Variants in ALDH1L1 observed in about 807,000 individuals in gnomAD.
The protein encoded by ALDH1L1 is aldehyde dehydrogenase 1 family member L1.
A neutral mutation model predicts 101.1 loss-of-function variants in ALDH1L1; 68 were observed. That is an observed-to-expected ratio of 0.67 (90% CI 0.55 to 0.82). The LOEUF (loss-of-function observed/expected upper bound fraction) is 0.82, where lower values mean the gene tolerates loss of function less well. Among genes scored for constraint, ALDH1L1 ranks in the 40% least tolerant of loss-of-function variants. The probability of loss-of-function intolerance (pLI) is 0.00; values close to 1 mark genes in which losing one functional copy is unlikely to be tolerated. For synonymous variants in ALDH1L1, 486 were observed against 470.8 expected (o/e 1.03, Z -0.42); for missense variants, 1,087 against 1,172.7 (o/e 0.93, Z 1.07).
At chr3:126,130,189 G>T (rs768555195) in intron 14 of ALDH1L1, 34 bp downstream of exon 14, 5 of 1,578,060 alleles carry the variant, frequency 3.2e-6, no homozygotes, top group Non-Finnish European at 4.3e-6. Context: ...GGAAAGCACC[G>T]CGAGGCTGCA....
intron 1 of ALDH1L1, among the ~76,000 whole-genome samples, chr3:126,169,468 C>A (rs1361659686): frequency 1.3e-5 from 2 of 152,172 alleles, no homozygotes; most frequent in African/African-American, 4.8e-5. Context: ...GGTGTGCTCT[C>A]CTCTAAGGAA....
upstream of ALDH1L1, among the ~76,000 whole-genome samples, chr3:126,184,627 T>C (rs1450303666): frequency 6.6e-6 from 1 of 152,104 alleles, no homozygotes; most frequent in African/African-American, 2.4e-5. Context: ...ACAGCCCAAG[T>C]CTGGGTAGAA....
intron 1 of ALDH1L1, among the ~76,000 whole-genome samples, chr3:126,191,457 G>T (rs572773874): frequency 6.6e-6 from 1 of 152,204 alleles, no homozygotes; most frequent in African/African-American, 2.4e-5. Flanking sequence ...AAGGTGAAAA[G>T]TTTAGTGCAA....
At chr3:126,138,096 T>C (rs1167328782) in intron 9 of ALDH1L1, 136 bp from the exon 10 acceptor site, 4 of 1,125,514 alleles carry the variant, frequency 3.6e-6, no homozygotes, top group Non-Finnish European at 5.0e-6. Context: ...AGCCCAGAAC[T>C]GGGGAGAAGG....
At chr3:126,181,115 A>C, upstream of ALDH1L1, 1 of 998,650 alleles carries the variant, frequency 1.0e-6, no homozygotes, top group Non-Finnish European at 1.5e-6. Flanking sequence ...CGAGAGAAAA[A>C]CAGCCCCTGG....
chr3:126,183,805 T>TA (rs1471072585), upstream of ALDH1L1, among the ~76,000 whole-genome samples: 1 of 152,200 alleles, frequency 6.6e-6, no homozygotes, highest in Non-Finnish European at 1.5e-5. Context: ...CTTGAGGGAA[T>TA]AATACCCCAG....
chr3:126,109,263 A>G (rs1457737253), intron 20 of ALDH1L1, among the ~76,000 whole-genome samples: 1 of 152,222 alleles, frequency 6.6e-6, no homozygotes, highest in Non-Finnish European at 1.5e-5. Context: ...AGCAGCGTCA[A>G]CGGTCCATCC....
intron 9 of ALDH1L1, among the ~76,000 whole-genome samples, chr3:126,140,828 A>AG (rs1257844495): frequency 5.3e-5 from 8 of 151,932 alleles, no homozygotes; most frequent in African/African-American, 1.4e-4. Context: ...ATACACTACA[A>AG]AAAAAATTAC....
chr3:126,141,811 T>A (rs6438979), intron 9 of ALDH1L1, among the ~76,000 whole-genome samples: 1 of 150,802 alleles, frequency 6.6e-6, no homozygotes, highest in Non-Finnish European at 1.5e-5. Flanking sequence ...TAAAAAGCAA[T>A]CTAAACCCAA....
intron 1 of ALDH1L1, among the ~76,000 whole-genome samples, chr3:126,169,935 T>G (rs1169266503): frequency 6.6e-6 from 1 of 152,214 alleles, no homozygotes; most frequent in African/African-American, 2.4e-5. Context: ...TTTTCAATTT[T>G]TATTATCTTT....
intron 4 of ALDH1L1, among the ~76,000 whole-genome samples, chr3:126,157,077 T>C (rs2080924922): frequency 6.6e-6 from 1 of 152,130 alleles, no homozygotes; most frequent in South Asian, 2.1e-4. Flanking sequence ...GCCTTCCTTG[T>C]CTATTGAACG....
At chr3:126,116,621 G>A (rs1000549681) in intron 17 of ALDH1L1, among the ~76,000 whole-genome samples, 3 of 152,200 alleles carry the variant, frequency 2.0e-5, no homozygotes, top group African/African-American at 7.2e-5. Flanking sequence ...CAAACCTGCA[G>A]TGACTACTTG....
At chr3:126,106,267 C>T (rs1485100129) in intron 21 of ALDH1L1, among the ~76,000 whole-genome samples, 4 of 152,196 alleles carry the variant, frequency 2.6e-5, no homozygotes, top group East Asian at 1.9e-4. Context: ...CAGACATCAG[C>T]GATTTGGAGA....
chr3:126,194,887 T>C (rs2081573796), intron 1 of ALDH1L1, among the ~76,000 whole-genome samples: 1 of 152,178 alleles, frequency 6.6e-6, no homozygotes, highest in African/African-American at 2.4e-5. Flanking sequence ...TAGCAACTTT[T>C]ACTTTTGGTG....
intron 8 of ALDH1L1, 107 bp downstream of exon 8, chr3:126,150,299 A>AC (rs1346277625): frequency 4.8e-6 from 7 of 1,451,590 alleles, no homozygotes; most frequent in Non-Finnish European, 6.4e-6. Flanking sequence ...CAAAACAGAC[A>AC]CCCACAGAGG....
chr3:126,157,306 C>T lies in ALDH1L1; in HGVS notation c.528+37G>A, dbSNP rs757640931. The T allele has an allele frequency of 6.3e-6, 10 of 1,586,698 alleles. 1 individual carries two copies. The Admixed American group carries it at 6.8e-5, about 11-fold the overall frequency. On this transcript the variant is annotated intron_variant, in intron 4 of 22. Coordinates refer to ENST00000393434, the MANE Select transcript of ALDH1L1 (RefSeq NM_012190.4). ...CTAGGGAGGATGCTTGAGGGTGCGT[C>T]GGGGCGGGCAGGGCGCGGCCGGCTC... is the stretch of plus-strand genomic sequence containing the variant.
intron 19 of ALDH1L1, among the ~76,000 whole-genome samples, chr3:126,110,769 A>G (rs955699478): frequency 1.2e-4 from 18 of 152,116 alleles, no homozygotes; most frequent in Non-Finnish European, 2.6e-4. Flanking sequence ...CTGTAGCCAA[A>G]CCCGGTTGCT....
upstream of ALDH1L1, chr3:126,180,796 T>C (rs1192440490): frequency 6.7e-7 from 1 of 1,503,282 alleles, no homozygotes; most frequent in African/African-American, 1.4e-5. Context: ...TCAAGAAGAC[T>C]TACTGTGGAC....
chr3:126,125,213 C>T (rs1305620880), intron 15 of ALDH1L1, among the ~76,000 whole-genome samples: 2 of 152,194 alleles, frequency 1.3e-5, no homozygotes, highest in Non-Finnish European at 2.9e-5. Context: ...GCTCACCCTG[C>T]TTCTCTCCAG....
Sources: allele counts gnomAD v4.1 joint callset (sites outside exome capture counted in the v4.1 genomes callset), GRCh38; gene constraint gnomAD v4.1.1; transcripts MANE v1.5; gene names NCBI Gene and HGNC (gene_info 2026-07-23, HGNC 2026-07-21).